The following ZFYVE9 variants were observed in gnomAD, a reference collection of about 807,000 sequenced individuals.
The protein encoded by ZFYVE9 is zinc finger FYVE-type containing 9.
ZFYVE9 carries 43 observed loss-of-function variants against 126.7 expected under a neutral mutation model. That is an observed-to-expected ratio of 0.34 (90% CI 0.27 to 0.44). The LOEUF is 0.44. Among genes scored for constraint, ZFYVE9 ranks in the 20% least tolerant of loss-of-function variants. The pLI, the probability that ZFYVE9 is intolerant of heterozygous loss-of-function variation, is 1.00. For synonymous variants in ZFYVE9, 521 were observed against 597.4 expected, an observed-to-expected ratio of 0.87 and a Z score of 1.87; for missense variants, 1,476 against 1,697.0, an observed-to-expected ratio of 0.87 and a Z score of 2.29.
At chr1:52,198,527 C>G (rs1572094117) in intron 1 of ZFYVE9, among the ~76,000 whole-genome samples, 1 of 151,960 alleles carries the variant, frequency 6.6e-6, no homozygotes, top group East Asian at 1.9e-4. Context: ...GAAACAATGC[C>G]CTAAATGCTC....
chr1:52,255,913 C>CTTTTCTTTTG (rs1014385054), intron 4 of ZFYVE9, among the ~76,000 whole-genome samples: 3 of 62,030 alleles, frequency 4.8e-5, no homozygotes, highest in Admixed American at 4.5e-4. Context: ...CTTTTCTTTT[C>CTTTTCTTTTG]TTTTCTTTTC....
intron 4 of ZFYVE9, among the ~76,000 whole-genome samples, chr1:52,255,583 C>CAA (rs753995875): frequency 3.3e-4 from 24 of 73,774 alleles, no homozygotes; most frequent in South Asian, 1.6e-3. Flanking sequence ...AAAACCATCT[C>CAA]AAAAAAAAAA....
chr1:52,338,593 T>C (rs1557527154), intron 16 of ZFYVE9, among the ~76,000 whole-genome samples: 1 of 152,230 alleles, frequency 6.6e-6, no homozygotes, highest in Non-Finnish European at 1.5e-5. Flanking sequence ...CAAAGGGTGC[T>C]CTTTTTTTGT....
At chr1:52,217,485 T>C (rs1645082615) in intron 2 of ZFYVE9, among the ~76,000 whole-genome samples, 1 of 152,188 alleles carries the variant, frequency 6.6e-6, no homozygotes, top group African/African-American at 2.4e-5. Flanking sequence ...TTGTTCTTCT[T>C]GATTATCAAG....
At chr1:52,192,386 G>A (rs1041725329) in intron 1 of ZFYVE9, among the ~76,000 whole-genome samples, 2 of 152,216 alleles carry the variant, frequency 1.3e-5, no homozygotes, top group Non-Finnish European at 2.9e-5. Context: ...TTATGTATAA[G>A]ACCGTGTACC....
chr1:52,303,775 A>C (rs756817399), intron 12 of ZFYVE9, 46 bp from the exon 13 acceptor site: 19 of 1,221,450 alleles, frequency 1.6e-5, no homozygotes, highest in Non-Finnish European at 2.1e-5. Flanking sequence ...ATTAAACCCT[A>C]CCATTGATGA....
At chr1:52,209,290 G>A (rs1466404505) in intron 1 of ZFYVE9, among the ~76,000 whole-genome samples, 6 of 152,046 alleles carry the variant, frequency 3.9e-5, no homozygotes, top group Non-Finnish European at 8.8e-5. Flanking sequence ...GTTTGGAGAG[G>A]GTTCAAGGCT....
intron 1 of ZFYVE9, chr1:52,179,827 T>C (rs1192355605): frequency 3.2e-6 from 2 of 626,050 alleles, no homozygotes; most frequent in African/African-American, 3.7e-5. Flanking sequence ...CACAGCTGGC[T>C]TCAGCAATTG....
At chr1:52,193,733 GAT>G (rs1644836362) in intron 1 of ZFYVE9, among the ~76,000 whole-genome samples, 1 of 100,924 alleles carries the variant, frequency 9.9e-6, no homozygotes, top group Non-Finnish European at 1.9e-5. Context: ...AAAAAAAAAA[GAT>G]ACACACTAAT....
At chr1:52,245,777 G>A (rs946162657) in intron 4 of ZFYVE9, among the ~76,000 whole-genome samples, 3 of 152,158 alleles carry the variant, frequency 2.0e-5, no homozygotes, top group African/African-American at 4.8e-5. Flanking sequence ...AACTGATACG[G>A]TAGGACCCTG....
At chr1:52,311,638 T>C (rs769449027) in intron 13 of ZFYVE9, among the ~76,000 whole-genome samples, 12 of 152,212 alleles carry the variant, frequency 7.9e-5, no homozygotes, top group Admixed American at 2.0e-4. Flanking sequence ...TATGCTCATA[T>C]TGTGAAGTTT....
intron 2 of ZFYVE9, among the ~76,000 whole-genome samples, chr1:52,226,434 G>A (rs1645171260): frequency 6.6e-6 from 1 of 152,182 alleles, no homozygotes; most frequent in Non-Finnish European, 1.5e-5. Flanking sequence ...TACTCGGGAG[G>A]CTGAGGCAGG....
chr1:52,196,434 A>C (rs558892019), intron 1 of ZFYVE9, among the ~76,000 whole-genome samples: 46 of 152,210 alleles, frequency 3.0e-4, no homozygotes, highest in South Asian at 2.9e-3. Context: ...CCAGGAGTTC[A>C]AGACCATCCT....
At chr1:52,206,820 G>A (rs1644982170) in intron 1 of ZFYVE9, among the ~76,000 whole-genome samples, 1 of 152,190 alleles carries the variant, frequency 6.6e-6, no homozygotes, top group Non-Finnish European at 1.5e-5. Flanking sequence ...AAAGTGATGG[G>A]ATTACAGGCA....
chr1:52,164,240 G>T (rs1644491742), intron 1 of ZFYVE9, among the ~76,000 whole-genome samples: 3 of 151,832 alleles, frequency 2.0e-5, no homozygotes, highest in Non-Finnish European at 4.4e-5. Flanking sequence ...TTAAGATGGG[G>T]TCTCATTCTG....
chr1:52,255,964 T>TTTTCTTTTCTTTTCTTTTC lies in ZFYVE9; in HGVS notation c.2179-7802_2179-7801insTCTTTTCTTTTCTTTCTTT, dbSNP rs1553129446. On this transcript the variant is annotated intron_variant, in intron 4 of 18. Coordinates refer to ENST00000287727, the MANE Select transcript of ZFYVE9 (RefSeq NM_004799.4). Reference sequence around the variant, plus strand: ...TTTTCTTTTCTTTTCTTTTCTTTTCTTTTCTTTCTTTCTTTCTTTCCTTCC... The same window carrying TTTTCTTTTCTTTTCTTTTC: ...TTTTCTTTTCTTTTCTTTTCTTTTCTTTTCTTTTCTTTTCTTTTCTTTCTTTCTTTCTTTCTTTCCTTCC... Among the ~76,000 whole-genome samples, 45 of 68,554 alleles carry TTTTCTTTTCTTTTCTTTTC rather than the reference T, an allele frequency of 6.6e-4. 1 individual carries two copies. Among genetic ancestry groups the TTTTCTTTTCTTTTCTTTTC allele is most frequent in the Admixed American group, 8.8e-4 (6 of 6,806 alleles). The allele number at this position is 68,554 out of a possible 152,430, so 45.0% of individuals were successfully genotyped here. A position where few individuals can be genotyped will look rare whatever the true frequency, so the allele number is the denominator to read the frequency against.
At position 52,237,996 on chromosome 1, in the gene ZFYVE9, T is replaced by G. The variant is rs761059521; in HGVS notation, c.579T>G (p.Asp193Glu). The change falls in exon 4 of 19, where the codon GAT becomes GAG. Residue 193 changes from aspartate (D) to glutamate (E), a missense_variant. This residue lies in a region of ZFYVE9 where 807 missense variants were observed against 794.6 expected (regional missense o/e 1.02). Coordinates refer to ENST00000287727, the MANE Select transcript of ZFYVE9 (RefSeq NM_004799.4). ...CSLDNENRQT[D>E]QFSFSINEST... ...TGGATAATGAAAACAGACAAACTGA[T>G]CAATTTAGTTTTAGTATAAATGAGT... 1 of 1,613,970 alleles carries G rather than the reference T, an allele frequency of 6.2e-7. No individual in the cohort carries two copies. Among genetic ancestry groups the G allele is most frequent in the East Asian group, 2.2e-5 (1 of 44,880 alleles).
intron 2 of ZFYVE9, among the ~76,000 whole-genome samples, chr1:52,229,241 A>G (rs1054182378): frequency 2.0e-5 from 3 of 152,186 alleles, no homozygotes; most frequent in Non-Finnish European, 4.4e-5. Context: ...TTGTCTCCTC[A>G]TGATTAAATC....
At chr1:52,239,742 A>T (rs919339321) in intron 4 of ZFYVE9, 147 bp downstream of exon 4, 21 of 934,786 alleles carry the variant, frequency 2.2e-5, no homozygotes, top group Non-Finnish European at 2.4e-5. Flanking sequence ...GTAAATTTCT[A>T]TATAAAAAAT....
Sources: allele counts gnomAD v4.1 joint callset (sites outside exome capture counted in the v4.1 genomes callset), GRCh38; gene constraint gnomAD v4.1.1; regional missense constraint gnomAD v4.1.1; transcripts MANE v1.5; gene names NCBI Gene and HGNC (gene_info 2026-07-23, HGNC 2026-07-21).